The following GPR157 variants were observed in gnomAD, a reference collection of about 807,000 sequenced individuals.
GPR157 encodes G protein-coupled receptor 157, also known as G-protein coupled receptor 157.
In GPR157, 16 loss-of-function variants were observed where a neutral mutation model predicts 23.5. The observed-to-expected ratio is 0.68, with a 90% CI of 0.46 to 1.04. The LOEUF is 1.04. Among genes scored for constraint, GPR157 ranks in the 50% least tolerant of loss-of-function variants. GPR157 has a pLI of 0.00. For missense variants in GPR157, 440 were observed against 460.7 expected, an observed-to-expected ratio of 0.96 and a Z score of 0.41; for synonymous variants, 200 against 221.5, an observed-to-expected ratio of 0.90 and a Z score of 0.86.
chr1:9,128,777 G>A lies in GPR157; in HGVS notation c.251C>T (p.Ala84Val). Residue 84 changes from alanine to valine, a missense_variant, in exon 1 of 4, where the codon GCG becomes GTG. Coordinates refer to ENST00000377411, the MANE Select transcript of GPR157 (RefSeq NM_024980.5). This position sits in a 1 kb window ranked among gnomAD's most constrained non-coding sequence, Gnocchi z 6.3. ...GPSWDCVLQG[A>V]LSTFANTSSF... ...GCTGGTGTTGGCGAAGGTGGACAGC[G>A]CGCCCTGCAGCACGCAGTCCCACGA... is the stretch of plus-strand genomic sequence containing the variant. 9 of 1,611,972 alleles carry A rather than the reference G, an allele frequency of 5.6e-6. No homozygotes were observed. Among genetic ancestry groups the A allele is most frequent in the Non-Finnish European group, 7.6e-6 (9 of 1,178,998 alleles).
At position 9,102,765 on chromosome 1, in the gene GPR157, G is replaced by GA. The variant is rs1249116586; in HGVS notation, c.*1653dup. 2 of 152,092 alleles carry GA rather than the reference G, an allele frequency of 1.3e-5. No individual in the cohort carries two copies. Among genetic ancestry groups the GA allele is most frequent in the Non-Finnish European group, 2.9e-5 (2 of 68,032 alleles). The allele number at this position is 152,092 out of a possible 1,614,324, so 9.4% of individuals were successfully genotyped here. On this transcript the variant is annotated 3_prime_UTR_variant, in exon 4 of 4. Transcript: ENST00000377411. Reference sequence around the variant, plus strand: ...CAGAAGCTGTTTTCTGAAATAAGACGAAAGCGTTTGTGGAAGACCCACAGA... The same window carrying GA: ...CAGAAGCTGTTTTCTGAAATAAGACGAAAAGCGTTTGTGGAAGACCCACAGA...
intron 2 of GPR157, among the ~76,000 whole-genome samples, chr1:9,109,779 G>A (rs1638435515): frequency 2.0e-5 from 3 of 152,154 alleles, no homozygotes; most frequent in Admixed American, 2.0e-4. Flanking sequence ...GTCTAGGGCG[G>A]GTGAGAACTG....
In GPR157 at chr1:9,120,925, G is replaced by GTAC. The variant is rs1638784757; in HGVS notation, c.383+7717_383+7719dup. Among the ~76,000 whole-genome samples the GTAC allele has an allele frequency of 6.6e-6, 1 of 152,220 alleles. No individual in the cohort carries two copies. Among genetic ancestry groups the GTAC allele is most frequent in the Non-Finnish European group, 1.5e-5 (1 of 68,036 alleles). On this transcript the variant is annotated intron_variant, in intron 1 of 3. Coordinates refer to ENST00000377411, the MANE Select transcript of GPR157 (RefSeq NM_024980.5). The surrounding 1 kb of genome is among the most constrained non-coding windows in gnomAD (Gnocchi z 4.1). Reference sequence around the variant, plus strand: ...TTTCAGGAGTAGTGGCCGACATGGGGTACTATTCATGTGGCCACTGCATCC... The same window carrying GTAC: ...TTTCAGGAGTAGTGGCCGACATGGGGTACTACTATTCATGTGGCCACTGCATCC...
chr1:9,123,368 TA>T (rs1294267027), intron 1 of GPR157, among the ~76,000 whole-genome samples: 1 of 28,800 alleles, frequency 3.5e-5, no homozygotes, highest in African/African-American at 1.1e-4. Flanking sequence ...AATATATATT[TA>T]AATTAAATAT....
At chr1:9,116,157 T>TA (rs1638630859) in intron 1 of GPR157, among the ~76,000 whole-genome samples, 1 of 12,114 alleles carries the variant, frequency 8.3e-5, no homozygotes, top group South Asian at 2.4e-3. Flanking sequence ...ATATTATATA[T>TA]ATATATAATA....
intron 1 of GPR157, among the ~76,000 whole-genome samples, chr1:9,123,238 ATATT>A (rs1210200579): frequency 1.5e-3 from 91 of 60,254 alleles, no homozygotes; most frequent in Non-Finnish European, 2.1e-3. Context: ...ATTTAAATAT[ATATT>A]AATTTAAATA....
intron 1 of GPR157, among the ~76,000 whole-genome samples, chr1:9,113,883 C>A (rs1164053248): frequency 6.7e-6 from 1 of 150,238 alleles, no homozygotes; most frequent in South Asian, 2.1e-4. Context: ...GCAGAGGTTG[C>A]GGTGAGCCGA....
At chr1:9,127,496 C>T (rs975208588) in intron 1 of GPR157, among the ~76,000 whole-genome samples, 8 of 152,168 alleles carry the variant, frequency 5.3e-5, no homozygotes, top group Admixed American at 3.3e-4. Flanking sequence ...GGGATGCTGC[C>T]GGGAAGGCAA....
chr1:9,111,545 T>A, intron 1 of GPR157, 56 bp from the exon 2 acceptor site: 1 of 1,451,502 alleles, frequency 6.9e-7, no homozygotes, highest in Non-Finnish European at 9.6e-7. Context: ...CCCGGCAATG[T>A]CAGCCTTCGC....
At chr1:9,123,224 ATATATT>A (rs1638843291) in intron 1 of GPR157, among the ~76,000 whole-genome samples, 1 of 121,548 alleles carries the variant, frequency 8.2e-6, no homozygotes, top group Non-Finnish European at 1.6e-5. Flanking sequence ...TTATTAAAAT[ATATATT>A]TAAATATATA....
intron 1 of GPR157, among the ~76,000 whole-genome samples, chr1:9,127,945 G>T (rs900108782): frequency 6.6e-6 from 1 of 152,094 alleles, no homozygotes; most frequent in African/African-American, 2.4e-5. Flanking sequence ...CGCTTGAATC[G>T]CAAAGTAAGG....
intron 1 of GPR157, among the ~76,000 whole-genome samples, chr1:9,124,649 A>C (rs1245712886): frequency 2.0e-5 from 3 of 152,010 alleles, no homozygotes; most frequent in Admixed American, 1.3e-4. Context: ...CCCTTCTGAG[A>C]ATTTCTGGTC....
At chr1:9,124,946 C>T (rs571318623) in intron 1 of GPR157, among the ~76,000 whole-genome samples, 12 of 152,266 alleles carry the variant, frequency 7.9e-5, no homozygotes, top group Admixed American at 5.2e-4. Flanking sequence ...AACCTACCCC[C>T]GCCCTCACTA....
intron 1 of GPR157, among the ~76,000 whole-genome samples, chr1:9,123,263 T>A (rs1185754569): frequency 4.4e-5 from 1 of 22,494 alleles, no homozygotes; most frequent in Non-Finnish European, 8.9e-5. Flanking sequence ...TATATTTAAA[T>A]ATATATATTT....
intron 1 of GPR157, among the ~76,000 whole-genome samples, chr1:9,125,014 CT>C (rs901519159): frequency 6.6e-6 from 1 of 152,122 alleles, no homozygotes; most frequent in African/African-American, 2.4e-5. Flanking sequence ...GGCGACCCCC[CT>C]GTTGGACCCA....
In GPR157 at chr1:9,120,442, A is replaced by G. The variant is rs940078403; in HGVS notation, c.383+8203T>C. Among the ~76,000 whole-genome samples, 2 of 152,194 alleles carry G rather than the reference A, an allele frequency of 1.3e-5. No individual in the cohort carries two copies. Among genetic ancestry groups the G allele is most frequent in the African/African-American group, 4.8e-5 (2 of 41,454 alleles). On this transcript the variant is annotated intron_variant, in intron 1 of 3. Coordinates refer to ENST00000377411, the MANE Select transcript of GPR157 (RefSeq NM_024980.5). The surrounding 1 kb of genome is among the most constrained non-coding windows in gnomAD (Gnocchi z 4.1). ...TTGAGAACCAAACTCTTGTGCAACA[A>G]TATGCCAATTTAAAAACCTCAGGAC...
At chr1:9,127,712 T>C (rs1490042564) in intron 1 of GPR157, among the ~76,000 whole-genome samples, 1 of 152,204 alleles carries the variant, frequency 6.6e-6, no homozygotes, top group Non-Finnish European at 1.5e-5. Context: ...TCTGCCAAAG[T>C]GCTGACTGTG....
chr1:9,116,318 A>AAT (rs1638668852), intron 1 of GPR157, among the ~76,000 whole-genome samples: 2 of 6,990 alleles, frequency 2.9e-4, no homozygotes, highest in Admixed American at 3.8e-3. Context: ...ATTATATATA[A>AAT]TATATATAAA....
At chr1:9,126,448 A>T (rs904936062) in intron 1 of GPR157, among the ~76,000 whole-genome samples, 2 of 152,228 alleles carry the variant, frequency 1.3e-5, no homozygotes, top group African/African-American at 2.4e-5. Flanking sequence ...CTAAACGCAC[A>T]TTAGAATAAG....
Sources: allele counts gnomAD v4.1 joint callset (sites outside exome capture counted in the v4.1 genomes callset), GRCh38; gene constraint gnomAD v4.1.1; non-coding constraint Gnocchi (gnomAD v3.1); transcripts MANE v1.5; gene names NCBI Gene and HGNC (gene_info 2026-07-23, HGNC 2026-07-21).